Variants in PRH1 observed in about 807,000 individuals in gnomAD.
The protein encoded by PRH1 is proline rich protein HaeIII subfamily 1.
Under a neutral mutation model 7.9 loss-of-function variants are expected in PRH1, and 7 were observed. That is an observed-to-expected ratio of 0.89 (90% confidence interval 0.50 to 1.67). The LOEUF is 1.67. PRH1 is among the 40% of genes most tolerant of loss of function. PRH1 has a pLI of 0.00. For missense variants in PRH1, 109 were observed against 223.6 expected, an observed-to-expected ratio of 0.49 and a Z score of 3.27; for synonymous variants, 45 against 80.8, an observed-to-expected ratio of 0.56 and a Z score of 2.38.
At chr12:11,160,380 C>T (rs180786162) in intron 1 of PRH1, among the ~76,000 whole-genome samples, 13 of 152,224 alleles carry the variant, frequency 8.5e-5, no homozygotes, top group Admixed American at 5.2e-4. Flanking sequence ...GAATTAAAGA[C>T]GAGGAAGATA....
At chr12:11,104,938 CTT>C (rs1945366435) in intron 1 of PRH1, among the ~76,000 whole-genome samples, 1 of 151,662 alleles carries the variant, frequency 6.6e-6, no homozygotes, top group Non-Finnish European at 1.5e-5. Flanking sequence ...TTACATTAAT[CTT>C]TTTCATTCTA....
intron 1 of PRH1, among the ~76,000 whole-genome samples, chr12:11,102,747 G>A (rs1945293888): frequency 6.6e-6 from 1 of 152,102 alleles, no homozygotes; most frequent in African/African-American, 2.4e-5. Flanking sequence ...CTGTCACAGT[G>A]AACAGGCAAC....
rs1321655528 is a variant in PRH1, at chr12:11,039,129, A to T, written c.-126+7891T>A. Among the ~76,000 whole-genome samples, 3 of 152,360 alleles carry T rather than the reference A, an allele frequency of 2.0e-5. No individual in the cohort carries two copies. In the East Asian group the frequency reaches 5.8e-4, roughly 29 times the overall value. On this transcript the variant is annotated intron_variant, in intron 1 of 3. Coordinates refer to the PRH1 transcript ENST00000539853. ...GTCTACAAGCTTAATGTAGGTGTCC[A>T]TGGGAAAATATAAATATATTATTGT...
At chr12:11,028,618 T>C (rs1024231711) in intron 1 of PRH1, among the ~76,000 whole-genome samples, 11 of 152,264 alleles carry the variant, frequency 7.2e-5, no homozygotes, top group African/African-American at 1.9e-4. Context: ...GTCATTTTTG[T>C]TTAAATAATC....
In PRH1 at chr12:10,882,427, A is replaced by T; in HGVS notation, c.372T>A (p.Pro124=). ...GTGGTCCTTGTGGCCTTCCTTGAGG[A>T]GGAGGGGGATGGCCTCCCTGTTGGG... ...GPPQQGGHPP[P]PQGRPQGPPQ... is the part of the protein sequence containing the mutation. The change falls in exon 3 of 4, where the codon CCT becomes CCA. Residue 124 remains proline (P), a synonymous_variant. Coordinates refer to ENST00000543626, the MANE Select transcript of PRH1 (RefSeq NM_001393989.1). The T allele has an allele frequency of 6.2e-7, 1 of 1,601,314 alleles. No homozygotes were observed. The highest frequency in any genetic ancestry group is 8.5e-7 in the Non-Finnish European group (1 of 1,174,396).
intron 1 of PRH1, among the ~76,000 whole-genome samples, chr12:11,023,727 A>G (rs1941772614): frequency 6.6e-6 from 1 of 152,210 alleles, no homozygotes; most frequent in South Asian, 2.1e-4. Context: ...AAACTAATGG[A>G]GTCAGAATGC....
intron 1 of PRH1, among the ~76,000 whole-genome samples, chr12:11,023,852 C>T (rs904091990): frequency 1.3e-5 from 2 of 150,672 alleles, no homozygotes; most frequent in Non-Finnish European, 1.5e-5. Flanking sequence ...AATCCAAAGA[C>T]ATAATGATAC....
chr12:10,933,416 A>G (rs2135873920), intron 2 of PRH1, among the ~76,000 whole-genome samples: 1 of 152,080 alleles, frequency 6.6e-6, no homozygotes, highest in Non-Finnish European at 1.5e-5. Flanking sequence ...AAGAAGAGAA[A>G]TACCCCAAGT....
At chr12:10,885,735 G>C (rs1949482126), upstream of PRH1, among the ~76,000 whole-genome samples, 1 of 152,172 alleles carries the variant, frequency 6.6e-6, no homozygotes, top group East Asian at 1.9e-4. Context: ...CCTTGAGTAG[G>C]TCTTGTGTAA....
At chr12:11,150,520 G>A (rs572611283) in intron 1 of PRH1, among the ~76,000 whole-genome samples, 1 of 152,230 alleles carries the variant, frequency 6.6e-6, no homozygotes, top group East Asian at 1.9e-4. Context: ...GTCCTCTGTA[G>A]GGACATGGAT....
rs867520739 is a variant in PRH1, at chr12:11,096,682, G to C, written n.124-49494C>G. 8.7e-5 allele frequency among the ~76,000 whole-genome samples: 10 copies of C among 115,518 alleles called. 3 individuals are homozygous for C. The highest frequency in any genetic ancestry group is 2.6e-4 in the Admixed American group (3 of 11,552). 75.8% of individuals were successfully genotyped at this position (115,518 alleles called of 152,430 possible). ...CATCACCACAAACTCTTTTCACAGG[G>C]AAATTCAATGAGCAGCACTGGATCT... On this transcript the variant is annotated intron_variant and non_coding_transcript_variant, in intron 1 of 4. Coordinates refer to the PRH1 transcript ENST00000541977.
At chr12:11,009,594 A>G (rs1940979255) in intron 1 of PRH1, among the ~76,000 whole-genome samples, 1 of 151,960 alleles carries the variant, frequency 6.6e-6, no homozygotes, top group African/African-American at 2.4e-5. Context: ...TACTCTAGCC[A>G]TGAAAATAGT....
chr12:11,171,316 AC>A lies in PRH1; in HGVS notation n.39+105del, dbSNP rs938340537. ...TAGGAGGTCCGCGGGCCCTGCGGCA[AC>A]CCTCGCTACAGACGCTGGGCGGGCG... On this transcript the variant is annotated intron_variant and non_coding_transcript_variant, in intron 1 of 1. Coordinates refer to the PRH1 transcript ENST00000541175. 20 of 1,208,196 alleles carry A rather than the reference AC, an allele frequency of 1.7e-5. No homozygotes were observed. The South Asian group carries it at 4.2e-4, about 25-fold the overall frequency. The allele number at this position is 1,208,196 out of a possible 1,614,324, so 74.8% of individuals were successfully genotyped here. A position where few individuals can be genotyped will look rare whatever the true frequency, so the allele number is the denominator to read the frequency against.
At chr12:11,141,362 T>C (rs966341122) in intron 1 of PRH1, among the ~76,000 whole-genome samples, 3 of 152,254 alleles carry the variant, frequency 2.0e-5, no homozygotes, top group Admixed American at 6.5e-5. Flanking sequence ...CTTCTTTCTA[T>C]ATGAATATTT....
chr12:10,904,388 T>A (rs1352990654), intron 2 of PRH1, among the ~76,000 whole-genome samples: 2 of 152,026 alleles, frequency 1.3e-5, no homozygotes, highest in Non-Finnish European at 2.9e-5. Flanking sequence ...ACTACAGCCA[T>A]CTGATGTTTG....
intron 1 of PRH1, chr12:11,133,717 A>G (rs1565689038): frequency 6.2e-7 from 1 of 1,614,182 alleles, no homozygotes; most frequent in Non-Finnish European, 8.5e-7. Flanking sequence ...TTAGAGTCAT[A>G]TTTGAATGGT....
chr12:10,882,125 T>C, intron 3 of PRH1, 92 bp downstream of exon 3: 1 of 1,571,690 alleles, frequency 6.4e-7, no homozygotes, highest in South Asian at 1.2e-5. Flanking sequence ...GACAGGGCAA[T>C]ATTAACAGGT....
chr12:11,136,258 C>A (rs534074051), intron 1 of PRH1, among the ~76,000 whole-genome samples: 1 of 152,180 alleles, frequency 6.6e-6, no homozygotes, highest in Non-Finnish European at 1.5e-5. Context: ...TTGTTTGTGG[C>A]TTCTTGGACT....
At chr12:10,913,298 A>C (rs1476738024) in intron 2 of PRH1, among the ~76,000 whole-genome samples, 1 of 152,128 alleles carries the variant, frequency 6.6e-6, no homozygotes, top group Non-Finnish European at 1.5e-5. Flanking sequence ...TACTAAAACT[A>C]CAAAAAATTA....
Sources: allele counts gnomAD v4.1 joint callset (sites outside exome capture counted in the v4.1 genomes callset), GRCh38; gene constraint gnomAD v4.1.1; transcripts MANE v1.5; gene names NCBI Gene and HGNC (gene_info 2026-07-23, HGNC 2026-07-21).